RBFOX1: variants seen among roughly 807,000 people sequenced by gnomAD.
RBFOX1 encodes the protein RNA binding protein fox-1 homolog 1.
In RBFOX1, 8 loss-of-function variants were observed where a neutral mutation model predicts 57.7. The ratio of observed to expected loss-of-function variants is 0.14; its 90% CI spans 0.08 to 0.25. The LOEUF (loss-of-function observed/expected upper bound fraction) is 0.25, where lower values mean the gene tolerates loss of function less well. RBFOX1 is among the 10% of genes least tolerant of loss of function. The probability of loss-of-function intolerance (pLI) is 1.00; values close to 1 mark genes in which losing one functional copy is unlikely to be tolerated. For synonymous variants in RBFOX1, 326 were observed against 222.4 expected (o/e 1.47, Z -4.15); for missense variants, 611 against 548.5 (o/e 1.11, Z -1.14).
intron 1 of RBFOX1, among the ~76,000 whole-genome samples, chr16:5,319,641 A>G (rs988983630): frequency 2.6e-5 from 4 of 152,224 alleles, no homozygotes; most frequent in African/African-American, 9.7e-5. Context: ...TGACCGTTTC[A>G]GTGTCATATA....
At chr16:6,512,229 A>T (rs1482448191) in intron 2 of RBFOX1, among the ~76,000 whole-genome samples, 1 of 148,298 alleles carries the variant, frequency 6.7e-6, no homozygotes, top group Non-Finnish European at 1.5e-5. Context: ...GGCTGCAGTG[A>T]ACCATGATCA....
At chr16:7,024,744 G>A (rs2040380843) in intron 3 of RBFOX1, among the ~76,000 whole-genome samples, 1 of 152,196 alleles carries the variant, frequency 6.6e-6, no homozygotes, top group African/African-American at 2.4e-5. Flanking sequence ...GGACTTGATT[G>A]TCTTTCAGAC....
intron 2 of RBFOX1, among the ~76,000 whole-genome samples, chr16:6,556,479 A>C (rs2097099760): frequency 6.6e-6 from 1 of 152,198 alleles, no homozygotes; most frequent in African/African-American, 2.4e-5. Context: ...GTCGCCTCTG[A>C]GGTCTCATTT....
At chr16:5,859,926 A>T (rs1165166089) in intron 3 of RBFOX1, among the ~76,000 whole-genome samples, 24 of 152,186 alleles carry the variant, frequency 1.6e-4, no homozygotes, top group Admixed American at 1.6e-3. Context: ...TGACTGGCAC[A>T]TTGGTCAGGA....
At chr16:5,850,650 C>A (rs569885673) in intron 3 of RBFOX1, among the ~76,000 whole-genome samples, 1 of 152,304 alleles carries the variant, frequency 6.6e-6, no homozygotes, top group South Asian at 2.1e-4. Flanking sequence ...CTAAAGACTG[C>A]ATGTGATCCT....
chr16:6,575,540 G>A (rs2097420437), intron 2 of RBFOX1, among the ~76,000 whole-genome samples: 1 of 151,888 alleles, frequency 6.6e-6, no homozygotes. Context: ...GAAAACACAT[G>A]TGAACCATAC....
At chr16:7,331,255 C>T (rs751704879) in intron 4 of RBFOX1, among the ~76,000 whole-genome samples, 8 of 152,078 alleles carry the variant, frequency 5.3e-5, no homozygotes, top group Non-Finnish European at 8.8e-5. Context: ...ATATGTTTGG[C>T]GGTGTTTGAA....
chr16:7,554,443 G>T (rs2087637163), intron 5 of RBFOX1, among the ~76,000 whole-genome samples: 1 of 152,184 alleles, frequency 6.6e-6, no homozygotes, highest in Non-Finnish European at 1.5e-5. Flanking sequence ...ACTGCATGTG[G>T]TAAAGAGCTG....
At chr16:6,750,274 A>G (rs2074667225) in intron 3 of RBFOX1, among the ~76,000 whole-genome samples, 1 of 152,214 alleles carries the variant, frequency 6.6e-6, no homozygotes, top group Non-Finnish European at 1.5e-5. Flanking sequence ...AGTCATTTGT[A>G]TTGAATCATT....
intron 2 of RBFOX1, among the ~76,000 whole-genome samples, chr16:5,576,087 A>G (rs2046445374): frequency 1.3e-5 from 2 of 152,098 alleles, no homozygotes; most frequent in African/African-American, 4.8e-5. Flanking sequence ...CCCAGGTTCA[A>G]GCAATTCTGC....
At chr16:5,364,813 C>A (rs2065663247) in intron 1 of RBFOX1, among the ~76,000 whole-genome samples, 1 of 152,234 alleles carries the variant, frequency 6.6e-6, no homozygotes, top group South Asian at 2.1e-4. Context: ...TGGGGACCAG[C>A]TATGGGGCTT....
At position 6,164,535 on chromosome 16, in the gene RBFOX1, C is replaced by T. The variant is rs188948977; in HGVS notation, c.-127+144543C>T. 5.7e-3 allele frequency among the ~76,000 whole-genome samples: 855 copies of T among 149,154 alleles called. 6 individuals are homozygous for T. Among genetic ancestry groups the T allele is most frequent in the Middle Eastern group, 0.014 (4 of 284 alleles). On this transcript the variant is annotated intron_variant, in intron 1 of 15. Coordinates refer to ENST00000550418, the MANE Select transcript of RBFOX1 (RefSeq NM_018723.4). ...AGGATGGAGTGCAGTGGTGCTATCT[C>T]GGCCCACTGCAACCTCTGCCTCTCA...
chr16:6,563,737 C>T (rs934614459), intron 2 of RBFOX1, among the ~76,000 whole-genome samples: 1 of 151,872 alleles, frequency 6.6e-6, no homozygotes, highest in Non-Finnish European at 1.5e-5. Flanking sequence ...AGGGCACACA[C>T]ATCAGTAGGG....
At chr16:6,869,980 T>C (rs991127822) in intron 3 of RBFOX1, among the ~76,000 whole-genome samples, 1 of 152,184 alleles carries the variant, frequency 6.6e-6, no homozygotes, top group Non-Finnish European at 1.5e-5. Context: ...AAATAAGGGA[T>C]CAAAGGTAAC....
At chr16:7,561,066 T>C (rs2090224283) in intron 5 of RBFOX1, among the ~76,000 whole-genome samples, 1 of 152,170 alleles carries the variant, frequency 6.6e-6, no homozygotes, top group African/African-American at 2.4e-5. Context: ...TCAGTCCCCA[T>C]ATGTAGCAAA....
At chr16:5,740,641 C>G (rs1422186347) in intron 3 of RBFOX1, among the ~76,000 whole-genome samples, 1 of 152,202 alleles carries the variant, frequency 6.6e-6, no homozygotes, top group Non-Finnish European at 1.5e-5. Context: ...GGAGCTTAAA[C>G]AGTATGATAG....
chr16:5,904,274 A>T (rs1567693782), intron 4 of RBFOX1, among the ~76,000 whole-genome samples: 1 of 152,048 alleles, frequency 6.6e-6, no homozygotes, highest in Non-Finnish European at 1.5e-5. Context: ...TTAAATAAGA[A>T]ATCTGCATGC....
intron 1 of RBFOX1, among the ~76,000 whole-genome samples, chr16:6,217,556 A>G (rs1347879721): frequency 6.6e-6 from 1 of 152,200 alleles, no homozygotes; most frequent in Non-Finnish European, 1.5e-5. Flanking sequence ...TGCATCCAGA[A>G]GAAGACTGTG....
At chr16:6,781,513 C>T (rs935284723) in intron 3 of RBFOX1, among the ~76,000 whole-genome samples, 5 of 151,560 alleles carry the variant, frequency 3.3e-5, no homozygotes, top group Non-Finnish European at 7.4e-5. Flanking sequence ...ATTAAGTCTT[C>T]CTTAAATATT....
Sources: allele counts gnomAD v4.1 joint callset (sites outside exome capture counted in the v4.1 genomes callset), GRCh38; gene constraint gnomAD v4.1.1; transcripts MANE v1.5; gene names NCBI Gene and HGNC (gene_info 2026-07-23, HGNC 2026-07-21).